ELOVL6: variants seen among roughly 807,000 people sequenced by gnomAD.
The protein encoded by ELOVL6 is ELOVL fatty acid elongase 6.
Under a neutral mutation model 31.7 loss-of-function variants are expected in ELOVL6, and 8 were observed. The ratio of observed to expected loss-of-function variants is 0.25; its 90% CI spans 0.15 to 0.45. The LOEUF (loss-of-function observed/expected upper bound fraction) is 0.45. ELOVL6 is among the 20% of genes least tolerant of loss of function. The probability of loss-of-function intolerance (pLI) is 1.00; values close to 1 mark genes in which losing one functional copy is unlikely to be tolerated. For missense variants in ELOVL6, 126 were observed against 326.4 expected, an observed-to-expected ratio of 0.39 and a Z score of 4.73; for synonymous variants, 101 against 117.7, an observed-to-expected ratio of 0.86 and a Z score of 0.92.
chr4:110,141,855 G>GTGTATATATATATA (rs112473825), intron 1 of ELOVL6, among the ~76,000 whole-genome samples: 1 of 126,626 alleles, frequency 7.9e-6, no homozygotes, highest in African/African-American at 2.8e-5. Flanking sequence ...AATACAATTA[G>GTGTATATATATATA]TATATATATA....
At chr4:110,110,289 G>C (rs1756995314) in intron 1 of ELOVL6, among the ~76,000 whole-genome samples, 1 of 151,852 alleles carries the variant, frequency 6.6e-6, no homozygotes, top group Non-Finnish European at 1.5e-5. Context: ...GAGGGATCCT[G>C]AGGTTTCTTG....
At chr4:110,154,045 C>G (rs551913987) in intron 1 of ELOVL6, among the ~76,000 whole-genome samples, 49 of 151,932 alleles carry the variant, frequency 3.2e-4, no homozygotes, top group Non-Finnish European at 6.3e-4. Context: ...TTTAAAAGTA[C>G]CAGGCTTTTT....
At chr4:110,141,872 T>TATATATATATATAC (rs1757973050) in intron 1 of ELOVL6, among the ~76,000 whole-genome samples, 2 of 144,002 alleles carry the variant, frequency 1.4e-5, no homozygotes, top group Admixed American at 1.4e-4. Context: ...TATATATATA[T>TATATATATATATAC]ATACTAATAC....
intron 1 of ELOVL6, among the ~76,000 whole-genome samples, chr4:110,144,290 G>A (rs904343402): frequency 1.3e-5 from 2 of 151,880 alleles, no homozygotes; most frequent in Admixed American, 6.6e-5. Context: ...CCTTATCTTG[G>A]TACTTTTACA....
Position 110,051,785 on chromosome 4 carries a change from G to C in ELOVL6, c.374-23C>G, listed in dbSNP as rs1181442433. On this transcript the variant is annotated intron_variant, in intron 3 of 3. Coordinates refer to ENST00000302274, the MANE Select transcript of ELOVL6 (RefSeq NM_024090.3). The surrounding 1 kb of genome is among the most constrained non-coding windows in gnomAD (Gnocchi z 4.8). The stretch of plus-strand genomic sequence containing the variant: ...CTCCTGGAAGACAAAGAGGAAGAAG[G>C]TACGTGAGATCCTTGACCACCAGTA... 3.8e-6 allele frequency: 6 copies of C among 1,597,992 alleles called. No homozygotes were observed. The highest frequency in any genetic ancestry group is 5.1e-6 in the Non-Finnish European group (6 of 1,170,828).
rs1012168816 is a variant in ELOVL6, at chr4:110,048,386, G to A, written c.*2952C>T. 1.3e-5 allele frequency: 2 copies of A among 152,202 alleles called. No homozygotes were observed. Among genetic ancestry groups the A allele is most frequent in the Non-Finnish European group, 2.9e-5 (2 of 68,042 alleles). The allele number at this position is 152,202 out of a possible 1,614,324, so 9.4% of individuals were successfully genotyped here. ...GCTCAGACCTAGTGTATGAAATCAT[G>A]TGTGTATGAAATAAAGGATTTTTTT... On this transcript the variant is annotated 3_prime_UTR_variant, in exon 4 of 4. Coordinates refer to ENST00000302274, the MANE Select transcript of ELOVL6 (RefSeq NM_024090.3).
intron 2 of ELOVL6, among the ~76,000 whole-genome samples, chr4:110,104,187 G>A (rs549640129): frequency 1.3e-5 from 2 of 152,154 alleles, no homozygotes; most frequent in South Asian, 2.1e-4. Flanking sequence ...ATGGTGAAAG[G>A]CTTCATTAGG....
intron 2 of ELOVL6, among the ~76,000 whole-genome samples, chr4:110,069,887 A>G (rs1489830531): frequency 6.6e-6 from 1 of 152,014 alleles, no homozygotes; most frequent in Non-Finnish European, 1.5e-5. Flanking sequence ...TGGATTAGGG[A>G]CACCTTTGGA....
At chr4:110,108,134 T>C (rs1323433053) in intron 1 of ELOVL6, among the ~76,000 whole-genome samples, 1 of 152,202 alleles carries the variant, frequency 6.6e-6, no homozygotes, top group Non-Finnish European at 1.5e-5. Context: ...TGTCATATTT[T>C]CTGAGCCTGG....
chr4:110,142,349 C>T (rs909294738), intron 1 of ELOVL6, among the ~76,000 whole-genome samples: 2 of 152,084 alleles, frequency 1.3e-5, no homozygotes, highest in African/African-American at 4.8e-5. Context: ...CCGGCCACCC[C>T]TTACTAATTT....
chr4:110,077,367 G>A (rs1417409854), intron 2 of ELOVL6, among the ~76,000 whole-genome samples: 1 of 152,168 alleles, frequency 6.6e-6, no homozygotes, highest in Admixed American at 6.5e-5. Context: ...ACCTCACACA[G>A]CCGGGTGCTC....
At chr4:110,112,640 A>AG (rs1374642772) in intron 1 of ELOVL6, among the ~76,000 whole-genome samples, 3 of 151,982 alleles carry the variant, frequency 2.0e-5, no homozygotes, top group Admixed American at 6.6e-5. Context: ...CGGGAGGCTG[A>AG]GGGGGGTGGA....
intron 1 of ELOVL6, among the ~76,000 whole-genome samples, chr4:110,175,505 A>G (rs1759075390): frequency 6.6e-6 from 1 of 152,232 alleles, no homozygotes; most frequent in East Asian, 1.9e-4. Context: ...AAATACTGAC[A>G]TATGTAAGTA....
At chr4:110,152,661 A>G (rs1758308565) in intron 1 of ELOVL6, among the ~76,000 whole-genome samples, 1 of 152,168 alleles carries the variant, frequency 6.6e-6, no homozygotes, top group African/African-American at 2.4e-5. Context: ...CCTGCCTGAG[A>G]TTCTGCATCT....
In ELOVL6 at chr4:110,077,870, T is replaced by A. The variant is rs558376169; in HGVS notation, c.222-18116A>T. ...AAATTAGACGAAAGGCTAACTAGAA[T>A]AACTAATGCAGAGAAGTCCTTAAAG... On this transcript the variant is annotated intron_variant, in intron 2 of 3. Coordinates refer to ENST00000302274, the MANE Select transcript of ELOVL6 (RefSeq NM_024090.3). Among the ~76,000 whole-genome samples, 11 of 152,084 alleles carry A rather than the reference T, an allele frequency of 7.2e-5. No homozygotes were observed. In the South Asian group the frequency reaches 2.3e-3, roughly 32 times the overall value.
Position 110,051,271 on chromosome 4 carries a change from G to A in ELOVL6, c.*67C>T, listed in dbSNP as rs918892438. 6 of 1,501,144 alleles carry A rather than the reference G, an allele frequency of 4.0e-6. No individual in the cohort carries two copies. Among genetic ancestry groups the A allele is most frequent in the African/African-American group, 1.4e-5 (1 of 72,076 alleles). The allele number at this position is 1,501,144 out of a possible 1,614,324, so 93.0% of individuals were successfully genotyped here. A position where few individuals can be genotyped will look rare whatever the true frequency, so the allele number is the denominator to read the frequency against. ...AGCTGCACCACGTGTGATTCCTTGT[G>A]CCATTTTCTTTTGTCTATTATTTTT... On this transcript the variant is annotated 3_prime_UTR_variant, in exon 4 of 4. Transcript: ENST00000302274. This position sits in a 1 kb window ranked among gnomAD's most constrained non-coding sequence, Gnocchi z 4.8.
intron 2 of ELOVL6, among the ~76,000 whole-genome samples, chr4:110,070,230 C>T (rs1755429885): frequency 1.3e-5 from 2 of 152,128 alleles, no homozygotes; most frequent in African/African-American, 4.8e-5. Flanking sequence ...GTGCTGGTTT[C>T]TGGACTTTTC....
At chr4:110,157,685 T>A (rs1234687024) in intron 1 of ELOVL6, among the ~76,000 whole-genome samples, 4 of 150,612 alleles carry the variant, frequency 2.7e-5, no homozygotes, top group Admixed American at 1.3e-4. Flanking sequence ...AAAAAAAAAA[T>A]TTCTTGGATA....
At chr4:110,127,406 CAAAA>C (rs572027886) in intron 1 of ELOVL6, among the ~76,000 whole-genome samples, 6 of 85,516 alleles carry the variant, frequency 7.0e-5, no homozygotes, top group African/African-American at 2.8e-4. Context: ...GATTCCGTCT[CAAAA>C]AAAAAAAAAA....
Sources: gnomAD v4.1 joint callset for allele counts (sites outside exome capture counted in the v4.1 genomes callset) on GRCh38, gnomAD v4.1.1 for gene constraint, Gnocchi (gnomAD v3.1) non-coding constraint, MANE v1.5 for transcripts, NCBI Gene and HGNC (gene_info 2026-07-23, HGNC 2026-07-21) for gene names.